Variants in WDPCP observed in about 807,000 individuals in gnomAD.
WDPCP encodes the protein WD repeat containing planar cell polarity effector.
Under a neutral mutation model 93.1 loss-of-function variants are expected in WDPCP, and 71 were observed. That is an observed-to-expected ratio of 0.76 (90% confidence interval 0.63 to 0.93). The LOEUF (loss-of-function observed/expected upper bound fraction) is 0.93. WDPCP is among the 40% of genes least tolerant of loss of function. The probability of loss-of-function intolerance (pLI) is 0.00; values close to 1 mark genes in which losing one functional copy is unlikely to be tolerated. For synonymous variants in WDPCP, 315 were observed against 315.0 expected (o/e 1.00, Z 0.00); for missense variants, 844 against 887.4 (o/e 0.95, Z 0.62).
intron 6 of WDPCP, among the ~76,000 whole-genome samples, chr2:63,462,676 C>G (rs1699098446): frequency 6.6e-6 from 1 of 151,876 alleles, no homozygotes. Context: ...GAACCTCTGG[C>G]AGAGGTGAGA....
intron 2 of WDPCP, among the ~76,000 whole-genome samples, chr2:63,811,031 C>G (rs754211890): frequency 2.6e-5 from 4 of 152,210 alleles, no homozygotes; most frequent in Non-Finnish European, 5.9e-5. Flanking sequence ...CTATAAAATA[C>G]TAACTCATAA....
At chr2:63,129,987 CTTG>C (rs977731617) in intron 17 of WDPCP, among the ~76,000 whole-genome samples, 2 of 152,120 alleles carry the variant, frequency 1.3e-5, no homozygotes, top group African/African-American at 4.8e-5. Flanking sequence ...TTTTCAATCT[CTTG>C]TTGGTGGAAT....
At chr2:63,794,880 C>G (rs959635335) in intron 2 of WDPCP, among the ~76,000 whole-genome samples, 1 of 152,198 alleles carries the variant, frequency 6.6e-6, no homozygotes, top group African/African-American at 2.4e-5. Context: ...ATAGTAAACA[C>G]TGTTTGTTTT....
At chr2:63,399,222 T>C (rs1480731103) in intron 10 of WDPCP, among the ~76,000 whole-genome samples, 1 of 152,136 alleles carries the variant, frequency 6.6e-6, no homozygotes, top group Non-Finnish European at 1.5e-5. Flanking sequence ...AGTTATCACC[T>C]TTTCATTTGA....
At chr2:63,190,149 C>T (rs537290657) in intron 14 of WDPCP, among the ~76,000 whole-genome samples, 10 of 152,026 alleles carry the variant, frequency 6.6e-5, no homozygotes, top group South Asian at 2.1e-4. Flanking sequence ...GAGAAGAGGC[C>T]GGGTGCTGTG....
chr2:63,301,879 C>T (rs1276214155), intron 13 of WDPCP, among the ~76,000 whole-genome samples: 3 of 151,692 alleles, frequency 2.0e-5, no homozygotes, highest in African/African-American at 7.3e-5. Flanking sequence ...ACTGGGACTT[C>T]TTTCACCCTG....
intron 10 of WDPCP, among the ~76,000 whole-genome samples, chr2:63,395,573 A>G (rs1299817885): frequency 3.3e-5 from 5 of 152,168 alleles, no homozygotes; most frequent in African/African-American, 1.2e-4. Context: ...AATATAATCT[A>G]TAATAATGGA....
At chr2:63,124,541 T>C (rs1669762461) in intron 17 of WDPCP, among the ~76,000 whole-genome samples, 2 of 152,172 alleles carry the variant, frequency 1.3e-5, no homozygotes, top group South Asian at 4.1e-4. Context: ...CAAGTTAAGC[T>C]TTGCTTTGCT....
chr2:63,543,845 T>C (rs932196300), intron 1 of WDPCP, among the ~76,000 whole-genome samples: 6 of 152,118 alleles, frequency 3.9e-5, no homozygotes, highest in Non-Finnish European at 5.9e-5. Context: ...GCCTCTTTAA[T>C]TGTAGTCAGA....
At chr2:63,226,515 T>C (rs527506141) in intron 14 of WDPCP, among the ~76,000 whole-genome samples, 1 of 151,978 alleles carries the variant, frequency 6.6e-6, no homozygotes, top group Non-Finnish European at 1.5e-5. Context: ...TTACCTTACA[T>C]CGAATAAACA....
intron 1 of WDPCP, among the ~76,000 whole-genome samples, chr2:63,571,905 A>G (rs1454553768): frequency 6.6e-6 from 1 of 152,174 alleles, no homozygotes; most frequent in Non-Finnish European, 1.5e-5. Flanking sequence ...ACTCTCTCCC[A>G]TGTAAACTTG....
chr2:63,161,035 T>C (rs1325502567), intron 15 of WDPCP, among the ~76,000 whole-genome samples: 1 of 152,210 alleles, frequency 6.6e-6, no homozygotes, highest in Non-Finnish European at 1.5e-5. Flanking sequence ...TCTTCTCCCT[T>C]GTTCCAGATA....
At chr2:63,628,174 T>C (rs6753773) in intron 3 of WDPCP, among the ~76,000 whole-genome samples, 11,321 of 152,198 alleles carry the variant, frequency 0.074, 1,272 homozygotes, top group African/African-American at 0.25. Context: ...AAATCTCCTG[T>C]TTCAGTAATG....
intron 3 of WDPCP, among the ~76,000 whole-genome samples, chr2:63,623,511 A>G (rs1158857316): frequency 2.1e-5 from 3 of 145,826 alleles, no homozygotes; most frequent in Non-Finnish European, 4.5e-5. Context: ...TGGAAAGCAG[A>G]AAAAAAAAAA....
chr2:63,597,454 T>C (rs1709336684), intron 3 of WDPCP: 1 of 1,503,268 alleles, frequency 6.7e-7, no homozygotes, highest in African/African-American at 1.4e-5. Context: ...ATGTGGCCAT[T>C]CTTGTGGGCT....
chr2:63,341,914 A>T (rs1456173651), intron 12 of WDPCP, among the ~76,000 whole-genome samples: 1 of 152,066 alleles, frequency 6.6e-6, no homozygotes, highest in Non-Finnish European at 1.5e-5. Context: ...CTTTGAACCT[A>T]TTTGTGTCTT....
intron 12 of WDPCP, among the ~76,000 whole-genome samples, chr2:63,333,944 A>C (rs11691192): frequency 0.57 from 86,641 of 151,590 alleles, 25,113 homozygotes; most frequent in Admixed American, 0.65. Flanking sequence ...GTTTTGAAAT[A>C]ATGAAGGGGA....
At chr2:63,664,603 G>A (rs964991683) in intron 2 of WDPCP, among the ~76,000 whole-genome samples, 8 of 152,160 alleles carry the variant, frequency 5.3e-5, no homozygotes, top group Non-Finnish European at 1.2e-4. Context: ...GCAGTCTATC[G>A]TCTATTACAG....
intron 7 of WDPCP, chr2:63,438,037 C>A: frequency 7.9e-7 from 1 of 1,261,642 alleles, no homozygotes; most frequent in Non-Finnish European, 1.0e-6. Flanking sequence ...TAGGGGTATA[C>A]AAGCTGGATG....
Sources: gnomAD v4.1 joint callset for allele counts (sites outside exome capture counted in the v4.1 genomes callset) on GRCh38, gnomAD v4.1.1 for gene constraint, MANE v1.5 for transcripts, NCBI Gene and HGNC (gene_info 2026-07-23, HGNC 2026-07-21) for gene names.